ZDHHC14: variants seen among roughly 807,000 people sequenced by gnomAD.
ZDHHC14 encodes palmitoyltransferase ZDHHC14.
ZDHHC14 carries 16 observed loss-of-function variants against 47.7 expected under a neutral mutation model. The observed-to-expected ratio is 0.34, with a 90% CI of 0.23 to 0.51. ZDHHC14 has a LOEUF of 0.51. ZDHHC14 is among the 20% of genes least tolerant of loss of function. The probability of loss-of-function intolerance (pLI) is 0.97; values close to 1 mark genes in which losing one functional copy is unlikely to be tolerated. For synonymous variants in ZDHHC14, 293 were observed against 278.9 expected (o/e 1.05, Z -0.50); for missense variants, 515 against 662.5 (o/e 0.78, Z 2.44).
chr6:157,395,745 G>A (rs1372984458), intron 1 of ZDHHC14, among the ~76,000 whole-genome samples: 1 of 149,058 alleles, frequency 6.7e-6, no homozygotes, highest in Non-Finnish European at 1.5e-5. Context: ...AGTGAGCTGA[G>A]ATTATGCCAC....
At chr6:157,498,292 G>A (rs1199132559) in intron 1 of ZDHHC14, among the ~76,000 whole-genome samples, 1 of 151,054 alleles carries the variant, frequency 6.6e-6, no homozygotes, top group East Asian at 1.9e-4. Context: ...AAAATTCAGA[G>A]AAGTGAGAGG....
chr6:157,627,864 C>G (rs1248966577), intron 3 of ZDHHC14, among the ~76,000 whole-genome samples: 2 of 152,194 alleles, frequency 1.3e-5, no homozygotes, highest in Non-Finnish European at 2.9e-5. Context: ...TAACTGAGGA[C>G]AAAGGATTGT....
At chr6:157,439,444 C>T (rs1778516686) in intron 1 of ZDHHC14, among the ~76,000 whole-genome samples, 2 of 152,118 alleles carry the variant, frequency 1.3e-5, no homozygotes, top group South Asian at 4.1e-4. Flanking sequence ...AAATGCAAAT[C>T]AAAGCCACAA....
rs746616430 is a variant in ZDHHC14 at position 157,542,578 on chromosome 6, T to C, written c.246-7T>C. The stretch of plus-strand genomic sequence containing the variant: ...CCTTCTCTCCGGTCTGTCCAACCTG[T>C]CGGCAGCTGTCCGTACCTGGCGGTG... On this transcript the variant is annotated splice_region_variant and splice_polypyrimidine_tract_variant and intron_variant, in intron 1 of 8. Coordinates refer to ENST00000359775, the MANE Select transcript of ZDHHC14 (RefSeq NM_024630.3). 6.2e-7 allele frequency: 1 copy of C among 1,613,974 alleles called. No homozygotes were observed.
chr6:157,603,857 C>T lies in ZDHHC14; in HGVS notation c.565+10711C>T, dbSNP rs1234846818. ...TATCCCTTACAACCTCTGCCTGTGG[C>T]GAAGACTCCATTGTCCAAGGAAGGC... On this transcript the variant is annotated intron_variant, in intron 3 of 8. Coordinates refer to ENST00000359775, the MANE Select transcript of ZDHHC14 (RefSeq NM_024630.3). Among the ~76,000 whole-genome samples the T allele has an allele frequency of 2.6e-5, 4 of 152,112 alleles. No homozygotes were observed. The South Asian group carries it at 6.2e-4, about 24-fold the overall frequency.
At chr6:157,403,547 TA>T (rs1200577841) in intron 1 of ZDHHC14, among the ~76,000 whole-genome samples, 7 of 152,200 alleles carry the variant, frequency 4.6e-5, no homozygotes, top group African/African-American at 1.7e-4. Flanking sequence ...TTCTCTGCCT[TA>T]AGCATTAGAA....
intron 5 of ZDHHC14, among the ~76,000 whole-genome samples, chr6:157,635,281 C>A (rs1776917349): frequency 6.6e-6 from 1 of 152,196 alleles, no homozygotes; most frequent in African/African-American, 2.4e-5. Context: ...GCGTGAGCTA[C>A]CGCGCCCAGC....
intron 1 of ZDHHC14, among the ~76,000 whole-genome samples, chr6:157,518,710 G>A (rs901122269): frequency 6.7e-6 from 1 of 148,824 alleles, no homozygotes; most frequent in Non-Finnish European, 1.5e-5. Flanking sequence ...GCCTGTGTTC[G>A]TTATTTAGAA....
chr6:157,450,546 C>T (rs956424064), intron 1 of ZDHHC14, among the ~76,000 whole-genome samples: 17 of 150,368 alleles, frequency 1.1e-4, no homozygotes, highest in Non-Finnish European at 2.1e-4. Flanking sequence ...CCTGAACACT[C>T]AATATTCTCT....
At chr6:157,546,100 T>TG (rs987195947) in intron 2 of ZDHHC14, among the ~76,000 whole-genome samples, 2 of 152,238 alleles carry the variant, frequency 1.3e-5, no homozygotes, top group African/African-American at 4.8e-5. Context: ...ACAATGTCTT[T>TG]GGGACCGCTG....
intron 1 of ZDHHC14, among the ~76,000 whole-genome samples, chr6:157,387,821 G>A (rs1246312924): frequency 6.6e-6 from 1 of 152,182 alleles, no homozygotes; most frequent in African/African-American, 2.4e-5. Context: ...AATATCTGCT[G>A]TTTAATGAAG....
At chr6:157,445,401 A>T (rs963096076) in intron 1 of ZDHHC14, among the ~76,000 whole-genome samples, 1 of 152,170 alleles carries the variant, frequency 6.6e-6, no homozygotes, top group Non-Finnish European at 1.5e-5. Flanking sequence ...AACCTGGTTC[A>T]TTTGTCTTGC....
At chr6:157,388,113 G>A (rs1777353940) in intron 1 of ZDHHC14, among the ~76,000 whole-genome samples, 1 of 152,148 alleles carries the variant, frequency 6.6e-6, no homozygotes. Context: ...TGAACTAAAT[G>A]CTTTAAGCAA....
chr6:157,625,531 G>A (rs960042742), intron 3 of ZDHHC14, among the ~76,000 whole-genome samples: 4 of 152,148 alleles, frequency 2.6e-5, no homozygotes, highest in African/African-American at 9.7e-5. Flanking sequence ...AAGAGACCCT[G>A]GGTGCAACTG....
chr6:157,663,239 A>G (rs573259195), intron 8 of ZDHHC14, among the ~76,000 whole-genome samples: 2 of 152,240 alleles, frequency 1.3e-5, no homozygotes, highest in South Asian at 4.1e-4. Context: ...TCGGCAGGAG[A>G]GGATGAGATG....
chr6:157,431,787 T>C (rs1583639190), intron 1 of ZDHHC14, among the ~76,000 whole-genome samples: 1 of 151,358 alleles, frequency 6.6e-6, no homozygotes, highest in Middle Eastern at 3.5e-3. Flanking sequence ...TAGAGTGCGG[T>C]GTCATGATCG....
intron 1 of ZDHHC14, among the ~76,000 whole-genome samples, chr6:157,453,761 C>T (rs1778852602): frequency 7.1e-6 from 1 of 141,112 alleles, no homozygotes; most frequent in South Asian, 2.1e-4. Flanking sequence ...AGATTTTATT[C>T]ATTCTAAGGC....
At chr6:157,633,254 G>A (rs543119840) in intron 5 of ZDHHC14, among the ~76,000 whole-genome samples, 1 of 152,278 alleles carries the variant, frequency 6.6e-6, no homozygotes, top group South Asian at 2.1e-4. Flanking sequence ...GTTGCATCCT[G>A]GCATGCAGTC....
intron 3 of ZDHHC14, among the ~76,000 whole-genome samples, chr6:157,614,614 G>A (rs1165475181): frequency 6.6e-6 from 1 of 152,094 alleles, no homozygotes; most frequent in Admixed American, 6.5e-5. Context: ...GGAATCGCTA[G>A]ACATCGATCT....
Sources: allele counts gnomAD v4.1 joint callset (sites outside exome capture counted in the v4.1 genomes callset), GRCh38; gene constraint gnomAD v4.1.1; transcripts MANE v1.5; gene names NCBI Gene and HGNC (gene_info 2026-07-23, HGNC 2026-07-21).